The following CENPP variants were observed in gnomAD, a reference collection of about 807,000 sequenced individuals.
CENPP encodes the protein centromere protein P.
In CENPP, 24 loss-of-function variants were observed where a neutral mutation model predicts 35.6. That is an observed-to-expected ratio of 0.67 (90% CI 0.49 to 0.95). The LOEUF (loss-of-function observed/expected upper bound fraction) is 0.95. Among genes scored for constraint, CENPP ranks in the 40% least tolerant of loss-of-function variants. The pLI is 0.00. For synonymous variants in CENPP, 120 were observed against 125.5 expected (o/e 0.96, Z 0.29); for missense variants, 332 against 345.3 (o/e 0.96, Z 0.31).
chr9:92,365,013 A>C (rs2130841228), intron 4 of CENPP, among the ~76,000 whole-genome samples: 1 of 152,314 alleles, frequency 6.6e-6, no homozygotes, highest in East Asian at 1.9e-4. Flanking sequence ...GTGTTCCTTC[A>C]TTTATCCAGC....
At position 92,582,036 on chromosome 9, in the gene CENPP, T is replaced by TGTTTG. The variant is rs544216694; in HGVS notation, c.565-29274_565-29273insGGTTT. Among the ~76,000 whole-genome samples, 1,066 of 117,262 alleles carry TGTTTG rather than the reference T, an allele frequency of 9.1e-3. 12 individuals are homozygous for TGTTTG. Among genetic ancestry groups the TGTTTG allele is most frequent in the African/African-American group, 0.026 (981 of 37,450 alleles). The allele number at this position is 117,262 out of a possible 152,430, so 76.9% of individuals were successfully genotyped here. A position where few individuals can be genotyped will look rare whatever the true frequency, so the allele number is the denominator to read the frequency against. ...AGGGGAAAAACACTTGGTGGTGTTT[T>TGTTTG]GTTTTGTTTTGTTTTGTTTTGTTTT... On this transcript the variant is annotated intron_variant, in intron 5 of 7. Coordinates refer to ENST00000375587, the MANE Select transcript of CENPP (RefSeq NM_001012267.3).
In CENPP at chr9:92,566,239, G is replaced by T. The variant is rs73522385; in HGVS notation, c.565-45075G>T. On this transcript the variant is annotated intron_variant, in intron 5 of 7. Transcript: ENST00000375587. ...TGCTTGAACCCAGGAGTCAGAGGTTGCAGTGACCAAAGATTGCGCCATTGC... is the reference window on the plus strand; with the variant it reads ...TGCTTGAACCCAGGAGTCAGAGGTTTCAGTGACCAAAGATTGCGCCATTGC... Among the ~76,000 whole-genome samples, 786 of 151,770 alleles carry T rather than the reference G, an allele frequency of 5.2e-3. 12 individuals are homozygous for T. The highest frequency in any genetic ancestry group is 0.018 in the African/African-American group (736 of 41,360).
chr9:92,401,547 G>A (rs1261154010), intron 5 of CENPP, among the ~76,000 whole-genome samples: 1 of 152,062 alleles, frequency 6.6e-6, no homozygotes, highest in Non-Finnish European at 1.5e-5. Flanking sequence ...GTTCCTCAGG[G>A]GTCTTGTCTG....
At chr9:92,603,342 T>C (rs889914030) in intron 5 of CENPP, among the ~76,000 whole-genome samples, 15 of 152,208 alleles carry the variant, frequency 9.9e-5, no homozygotes, top group Non-Finnish European at 4.4e-5. Flanking sequence ...CAGAGGTGCC[T>C]TTGTATTTGT....
intron 5 of CENPP, chr9:92,600,552 T>A (rs73526037): frequency 1.1e-5 from 18 of 1,612,192 alleles, no homozygotes; most frequent in Non-Finnish European, 1.5e-5. Context: ...CTGGGGCACA[T>A]GGAGAATGTT....
chr9:92,447,411 T>C (rs10992340), intron 5 of CENPP, among the ~76,000 whole-genome samples: 71,882 of 151,566 alleles, frequency 0.47, 20,579 homozygotes, highest in African/African-American at 0.81. Context: ...CTCACATGTG[T>C]GGTTCATAAT....
intron 5 of CENPP, among the ~76,000 whole-genome samples, chr9:92,566,959 A>G (rs533078574): frequency 4.0e-4 from 61 of 152,364 alleles, no homozygotes; most frequent in African/African-American, 1.4e-3. Context: ...AGCAGCACAC[A>G]TAAATTTCTC....
rs558059235 is a variant in CENPP, at chr9:92,495,565, T to G, written c.564+115706T>G. 3 of 979,940 alleles carry G rather than the reference T, an allele frequency of 3.1e-6. No homozygotes were observed. In the African/African-American group the frequency reaches 5.2e-5, roughly 17 times the overall value. The allele number at this position is 979,940 out of a possible 1,614,324, so 60.7% of individuals were successfully genotyped here. A position where few individuals can be genotyped will look rare whatever the true frequency, so the allele number is the denominator to read the frequency against. On this transcript the variant is annotated intron_variant, in intron 5 of 7. Coordinates refer to ENST00000375587, the MANE Select transcript of CENPP (RefSeq NM_001012267.3). Reference sequence around the variant, plus strand: ...TGCTTTTCAAAAAATGTCTTAATCTTGAGTGAGGAATAGTGAAGGTAATCT... The same window carrying G: ...TGCTTTTCAAAAAATGTCTTAATCTGGAGTGAGGAATAGTGAAGGTAATCT...
chr9:92,361,773 C>T (rs995632576), intron 4 of CENPP, among the ~76,000 whole-genome samples: 1 of 152,334 alleles, frequency 6.6e-6, no homozygotes, highest in Middle Eastern at 3.4e-3. Context: ...TGAGCCACTG[C>T]ACCCGGCTCA....
intron 5 of CENPP, among the ~76,000 whole-genome samples, chr9:92,435,854 A>G (rs973085363): frequency 6.6e-6 from 1 of 152,214 alleles, no homozygotes; most frequent in African/African-American, 2.4e-5. Flanking sequence ...TAATACTAAT[A>G]AAGTTGTTCT....
At chr9:92,465,129 C>CTCACGCTTCTTG in intron 5 of CENPP, 2 of 815,694 alleles carry the variant, frequency 2.5e-6, no homozygotes, top group Non-Finnish European at 4.1e-6. Context: ...TCCCAAGAAG[C>CTCACGCTTCTTG]GTGAGCTTCA....
At position 92,326,099 on chromosome 9, in the gene CENPP, G is replaced by A. The variant is rs750852584; in HGVS notation, c.101G>A (p.Arg34Gln). The A allele has an allele frequency of 2.6e-6, 4 of 1,547,586 alleles. No individual in the cohort carries two copies. The Admixed American group carries it at 5.8e-5, about 22-fold the overall frequency. ...DPPAPWEEKS[R>Q]VQKSFQAIHQ... ...CCGGCGCCCTGGGAAGAGAAGTCCC[G>A]AGTCCAGTACGTGACCACCCCAAGT... The change falls in exon 1 of 8, where the codon CGA becomes CAA. Residue 34 changes from arginine to glutamine, a missense_variant. Physicochemically the swap from Arg to Gln is conservative, Grantham distance 43 (BLOSUM62 1). Transcript: ENST00000375587.
intron 4 of CENPP, among the ~76,000 whole-genome samples, chr9:92,370,409 T>C (rs1841981081): frequency 6.6e-6 from 1 of 152,194 alleles, no homozygotes; most frequent in African/African-American, 2.4e-5. Flanking sequence ...AGTTCTTCTA[T>C]GTATGTTTGA....
intron 4 of CENPP, among the ~76,000 whole-genome samples, chr9:92,350,326 C>T (rs2130812011): frequency 6.6e-6 from 1 of 152,310 alleles, no homozygotes; most frequent in African/African-American, 2.4e-5. Context: ...AAATTACAGT[C>T]ATTCTTACAG....
rs201643602 is a variant in CENPP at position 92,345,703 on chromosome 9, A to G, written c.383A>G (p.Lys128Arg). The change falls in exon 4 of 8, where the codon AAG becomes AGG. Residue 128 changes from lysine to arginine, a missense_variant. Transcript: ENST00000375587. ...AAATTTTTATCTTTATTTTAGAATA[A>G]GGAGAGATTATCTTCTGCTGTTACT... ...LEFQILEIQN[K>R]ERLSSAVTDL... 1.3e-6 allele frequency: 2 copies of G among 1,546,460 alleles called. No homozygotes were observed. The highest frequency in any genetic ancestry group is 4.5e-5 in the East Asian group (2 of 44,418).
intron 5 of CENPP, among the ~76,000 whole-genome samples, chr9:92,598,741 A>G (rs1451760263): frequency 7.2e-6 from 1 of 138,182 alleles, no homozygotes; most frequent in Non-Finnish European, 1.5e-5. Context: ...AAATAACTGA[A>G]GGGGTTTTTT....
chr9:92,539,492 G>A (rs761066436), intron 5 of CENPP, among the ~76,000 whole-genome samples: 1 of 151,966 alleles, frequency 6.6e-6, no homozygotes, highest in East Asian at 1.9e-4. Flanking sequence ...ATTGATTTGC[G>A]TTCAGTTGAT....
chr9:92,370,427 C>T (rs1360940936), intron 4 of CENPP, among the ~76,000 whole-genome samples: 2 of 152,056 alleles, frequency 1.3e-5, no homozygotes, highest in African/African-American at 4.8e-5. Context: ...TGATAGAATA[C>T]GGCTGTTACT....
chr9:92,424,837 G>C (rs1265942719), intron 5 of CENPP, among the ~76,000 whole-genome samples: 1 of 152,044 alleles, frequency 6.6e-6, no homozygotes. Flanking sequence ...ACCATGCCTG[G>C]CTAATTTCTT....
Sources: gnomAD v4.1 joint callset for allele counts (sites outside exome capture counted in the v4.1 genomes callset) on GRCh38, gnomAD v4.1.1 for gene constraint, MANE v1.5 for transcripts, NCBI Gene and HGNC (gene_info 2026-07-23, HGNC 2026-07-21) for gene names.